MED24: variants seen among roughly 807,000 people sequenced by gnomAD.
MED24 encodes mediator of RNA polymerase II transcription subunit 24.
In MED24, 74 loss-of-function variants were observed where a neutral mutation model predicts 118.8. That is an observed-to-expected ratio of 0.62 (90% CI 0.52 to 0.76). The LOEUF (loss-of-function observed/expected upper bound fraction) is 0.76, where lower values mean the gene tolerates loss of function less well. MED24 is among the 30% of genes least tolerant of loss of function. The probability of loss-of-function intolerance (pLI) is 0.00; values close to 1 mark genes in which losing one functional copy is unlikely to be tolerated. For synonymous variants in MED24, 521 were observed against 523.9 expected, an observed-to-expected ratio of 0.99 and a Z score of 0.08; for missense variants, 1,041 against 1,278.9, an observed-to-expected ratio of 0.81 and a Z score of 2.84.
chr17:40,053,845 T>C, intron 1 of MED24: 1 of 670,330 alleles, frequency 1.5e-6, no homozygotes, highest in South Asian at 2.0e-5. Flanking sequence ...ACTAAGAAAG[T>C]ATCGGCCGAG....
chr17:40,031,656 G>A, intron 10 of MED24, 36 bp from the exon 11 acceptor site: 1 of 1,586,462 alleles, frequency 6.3e-7, no homozygotes, highest in Non-Finnish European at 8.6e-7. Flanking sequence ...TGGTTTCCAG[G>A]GCCACCAGGC....
In MED24 at chr17:40,023,198, G is replaced by A; in HGVS notation, c.2183C>T (p.Ser728Phe). Residue 728 changes from serine to phenylalanine, a missense_variant, in exon 20 of 26, where the codon TCC becomes TTC. Around this residue, in one of 3 missense-constraint regions of MED24, gnomAD observed 587 missense variants for 694.4 expected, o/e 0.85. Coordinates refer to ENST00000394128, the MANE Select transcript of MED24 (RefSeq NM_014815.4). ...CAGCAGGGTGTCAAAGATGTGGATG[G>A]AGCGGCTGTCCACCCAGCCCTTCTC... ...VLEKGWVDSR[S>F]IHIFDTLLHM... is the part of the protein sequence containing the mutation. The A allele has an allele frequency of 6.2e-7, 1 of 1,614,156 alleles. No individual in the cohort carries two copies. The highest frequency in any genetic ancestry group is 8.5e-7 in the Non-Finnish European group (1 of 1,180,012).
intron 19 of MED24, among the ~76,000 whole-genome samples, chr17:40,024,432 G>A (rs978461585): frequency 1.3e-5 from 2 of 152,168 alleles, no homozygotes; most frequent in Non-Finnish European, 2.9e-5. Context: ...TACTCGGGAG[G>A]CTGAGGCAGG....
intron 5 of MED24, 143 bp from the exon 6 acceptor site, chr17:40,035,492 C>T: frequency 1.0e-6 from 1 of 993,346 alleles, no homozygotes; most frequent in Non-Finnish European, 1.4e-6. Context: ...GATGCTTAGC[C>T]CCTTTGGCTC....
At position 40,022,674 on chromosome 17, in the gene MED24, G is replaced by T; in HGVS notation, c.2403C>A (p.Leu801=). 1 of 1,613,776 alleles carries T rather than the reference G, an allele frequency of 6.2e-7. No individual in the cohort carries two copies. Among genetic ancestry groups the T allele is most frequent in the Non-Finnish European group, 8.5e-7 (1 of 1,179,984 alleles). ...LLTDSSKWHS[L]MDPPGTALAK... ...CAAGAGCAGTGCCCGGGGGGTCCAT[G>T]AGGCTGTGCCACTTGGAGGAGTCAG... Residue 801 remains leucine, a synonymous_variant, in exon 21 of 26, where the codon CTC becomes CTA. Coordinates refer to ENST00000394128, the MANE Select transcript of MED24 (RefSeq NM_014815.4).
rs1984920510 is a variant in MED24 at position 40,044,365 on chromosome 17, C to CAA, written c.214-8213_214-8212dup. Among the ~76,000 whole-genome samples, 8 of 151,236 alleles carry CAA rather than the reference C, an allele frequency of 5.3e-5. 1 individual carries two copies. The South Asian group carries it at 1.7e-3, about 32-fold the overall frequency. On this transcript the variant is annotated intron_variant, in intron 3 of 25. Coordinates refer to ENST00000394128, the MANE Select transcript of MED24 (RefSeq NM_014815.4). Reference sequence around the variant, plus strand: ...AGAATCCCCGTATCTACTAAAAATACAAAAATTAGCTGGGCATGGTGGCGC... The same window carrying CAA: ...AGAATCCCCGTATCTACTAAAAATACAAAAAAATTAGCTGGGCATGGTGGCGC...
intron 8 of MED24, 60 bp from the exon 9 acceptor site, chr17:40,032,822 G>A: frequency 6.7e-7 from 1 of 1,487,860 alleles, no homozygotes; most frequent in Non-Finnish European, 9.3e-7. Flanking sequence ...ACCCTTCTGT[G>A]GACTCTGAGG....
intron 14 of MED24, 179 bp from the exon 15 acceptor site, chr17:40,028,125 G>GTT (rs372495484): frequency 1.7e-6 from 1 of 601,332 alleles, no homozygotes; most frequent in Non-Finnish European, 2.8e-6. Context: ...TTTTTTTTTT[G>GTT]TTTTTTTTGA....
Position 40,033,094 on chromosome 17 carries a change from A to C in MED24, c.784T>G (p.Ser262Ala). ...ACCATCGTCAGCTGCTCCACCAGGG[A>C]CTGCGTCTCGCCTGTCAGGTTCATG... is the stretch of plus-strand genomic sequence containing the variant. The part of the protein sequence containing the change: ...GTMNLTGETQ[S>A]LVEQLTMVKR... Residue 262 changes from serine (S) to alanine (A), a missense_variant, in exon 8 of 26, where the codon TCC becomes GCC. By Grantham distance (99) the Ser-to-Ala change is moderately conservative. Around this residue, in one of 3 missense-constraint regions of MED24, gnomAD observed 434 missense variants for 514.9 expected, o/e 0.84. Transcript: ENST00000394128. This position sits in a 1 kb window ranked among gnomAD's most constrained non-coding sequence, Gnocchi z 5.2. The C allele has an allele frequency of 6.2e-7, 1 of 1,614,068 alleles. No individual in the cohort carries two copies. The highest frequency in any genetic ancestry group is 8.5e-7 in the Non-Finnish European group (1 of 1,180,030).
In MED24 at chr17:40,023,283, G is replaced by A. The variant is rs145067743; in HGVS notation, c.2098C>T (p.Leu700=). The A allele has an allele frequency of 9.9e-6, 16 of 1,614,178 alleles. No individual in the cohort carries two copies. Among genetic ancestry groups the A allele is most frequent in the Admixed American group, 1.7e-5 (1 of 60,024 alleles). ...TGVDTMPYWN[L]LPPKRPIKEV... is the part of the protein sequence containing the mutation. ...TTGATGGGCCGCTTGGGGGGCAGCAGGTTCCAGTAGGGCATTGTGTCCACC... is the reference window on the plus strand; with the variant it reads ...TTGATGGGCCGCTTGGGGGGCAGCAAGTTCCAGTAGGGCATTGTGTCCACC... Residue 700 remains leucine, a synonymous_variant, in exon 20 of 26, where the codon CTG becomes TTG. Coordinates refer to ENST00000394128, the MANE Select transcript of MED24 (RefSeq NM_014815.4).
At chr17:40,046,924 T>C (rs372850808) in intron 3 of MED24, among the ~76,000 whole-genome samples, 3 of 151,978 alleles carry the variant, frequency 2.0e-5, no homozygotes, top group African/African-American at 7.2e-5. Flanking sequence ...CTGGGCAACA[T>C]AGGAAGATCC....
chr17:40,019,593 G>A lies in MED24; in HGVS notation c.2906C>T (p.Ala969Val). 6.2e-7 allele frequency: 1 copy of A among 1,611,186 alleles called. No homozygotes were observed. The change falls in exon 26 of 26, where the codon GCC becomes GTC. Residue 969 changes from alanine to valine, a missense_variant. Ala to Val is a moderately conservative substitution (Grantham distance 64). This residue lies in a region of MED24 where 587 missense variants were observed against 694.4 expected (regional missense o/e 0.85). Transcript: ENST00000394128. ...SAMSSPKVVL[A>V]ITDLSLPLGR... is the part of the protein sequence containing the mutation. ...CAGGGGCAGGCTGAGGTCCGTGATG[G>A]CCAGAACCACCTTGGGGCTGGACAT...
At position 40,032,105 on chromosome 17, in the gene MED24, AG is replaced by A. The variant is rs759224611; in HGVS notation, c.937-16del. 3.1e-6 allele frequency: 5 copies of A among 1,613,306 alleles called. No individual in the cohort carries two copies. In the South Asian group the frequency reaches 4.4e-5, roughly 14 times the overall value. ...ACCTGTGGAATCTAGGGGGTGAGGC[AG>A]GGGGAAAAACAGGAAGATCCATTTC... On this transcript the variant is annotated splice_polypyrimidine_tract_variant and intron_variant, in intron 9 of 25. Transcript: ENST00000394128.
intron 3 of MED24, among the ~76,000 whole-genome samples, chr17:40,036,930 T>C (rs1156710710): frequency 6.6e-6 from 1 of 152,130 alleles, no homozygotes; most frequent in Non-Finnish European, 1.5e-5. Context: ...ACGTTTGTAA[T>C]CCCAGTACTT....
intron 3 of MED24, among the ~76,000 whole-genome samples, chr17:40,037,236 G>T (rs1168563078): frequency 2.0e-5 from 3 of 151,446 alleles, no homozygotes; most frequent in Admixed American, 2.0e-4. Flanking sequence ...AGGAAGGAAG[G>T]AAAGAAGGAA....
At chr17:40,043,890 C>CAAAAAAAAAAAA (rs35743512) in intron 3 of MED24, among the ~76,000 whole-genome samples, 67 of 97,424 alleles carry the variant, frequency 6.9e-4, no homozygotes, top group South Asian at 1.8e-3. Flanking sequence ...GACTCCATCT[C>CAAAAAAAAAAAA]AAAAAAAAAA....
In MED24 at chr17:40,033,430, G is replaced by T; in HGVS notation, c.586C>A (p.Leu196Ile). Residue 196 changes from leucine (L) to isoleucine (I), a missense_variant, in exon 7 of 26, where the codon CTC becomes ATC. Leu to Ile is a conservative substitution (Grantham distance 5). Coordinates refer to ENST00000394128, the MANE Select transcript of MED24 (RefSeq NM_014815.4). The surrounding 1 kb of genome is among the most constrained non-coding windows in gnomAD (Gnocchi z 5.2). Reference sequence around the variant, plus strand: ...GCCAGGATCTCTCCAAGTTTCAAGAGAGAATGCTCGATGGCAGTCCAAGAA... The same window carrying T: ...GCCAGGATCTCTCCAAGTTTCAAGATAGAATGCTCGATGGCAGTCCAAGAA... ...ASSWTAIEHS[L>I]LKLGEILANL... 6.2e-7 allele frequency: 1 copy of T among 1,602,762 alleles called. No individual in the cohort carries two copies. The highest frequency in any genetic ancestry group is 8.5e-7 in the Non-Finnish European group (1 of 1,174,310).
chr17:40,028,219 T>G (rs1982945505), intron 14 of MED24, among the ~76,000 whole-genome samples: 1 of 151,988 alleles, frequency 6.6e-6, no homozygotes, highest in Non-Finnish European at 1.5e-5. Context: ...TTCAAGCAAT[T>G]CTTCTGCCTC....
rs547928385 is a variant in MED24 at position 40,045,995 on chromosome 17, T to TCTC, written c.213+7300_213+7302dup. Among the ~76,000 whole-genome samples the TCTC allele has an allele frequency of 3.9e-5, 6 of 151,954 alleles. No individual in the cohort carries two copies. In the East Asian group the frequency reaches 1.2e-3, roughly 29 times the overall value. ...GGTTTCACCATGTTGGCCAGGATGG[T>TCTC]CTCGGTCTCCTGACCTCATGATCCA... is the stretch of plus-strand genomic sequence containing the variant. On this transcript the variant is annotated intron_variant, in intron 3 of 25. Transcript: ENST00000394128.
Sources: gnomAD v4.1 joint callset for allele counts (sites outside exome capture counted in the v4.1 genomes callset) on GRCh38, gnomAD v4.1.1 for gene constraint, gnomAD v4.1.1 regional missense constraint, Gnocchi (gnomAD v3.1) non-coding constraint, MANE v1.5 for transcripts, NCBI Gene and HGNC (gene_info 2026-07-23, HGNC 2026-07-21) for gene names.